ZNF704: variants seen among roughly 807,000 people sequenced by gnomAD.
The protein encoded by ZNF704 is zinc finger protein 704.
In ZNF704, 10 loss-of-function variants were observed where a neutral mutation model predicts 44.7. That is an observed-to-expected ratio of 0.22 (90% CI 0.14 to 0.38). ZNF704 has a LOEUF of 0.38. ZNF704 is among the 10% of genes least tolerant of loss of function. ZNF704 has a pLI of 1.00. For missense variants in ZNF704, 390 were observed against 545.5 expected (o/e 0.71, Z 2.84); for synonymous variants, 211 against 207.6 (o/e 1.02, Z -0.14).
chr8:80,835,511 G>A (rs1473631244), intron 1 of ZNF704, among the ~76,000 whole-genome samples: 1 of 152,208 alleles, frequency 6.6e-6, no homozygotes, highest in Non-Finnish European at 1.5e-5. Context: ...TGCTGCAAGA[G>A]AGAAGGAGCA....
At position 80,632,812 on chromosome 8, in the gene ZNF704, T is replaced by C. The variant is rs1294203791; in HGVS notation, c.*8554A>G. 6.6e-6 allele frequency: 1 copy of C among 152,230 alleles called. No homozygotes were observed. The highest frequency in any genetic ancestry group is 1.5e-5 in the Non-Finnish European group (1 of 68,042). The allele number at this position is 152,230 out of a possible 1,614,324, so 9.4% of individuals were successfully genotyped here. Reference sequence around the variant, plus strand: ...CCTGTTATTGTCATGGCAACGGCGCTATGATTCTTTTCCATCAGAAGAGGA... The same window carrying C: ...CCTGTTATTGTCATGGCAACGGCGCCATGATTCTTTTCCATCAGAAGAGGA... On this transcript the variant is annotated 3_prime_UTR_variant, in exon 9 of 9. Transcript: ENST00000327835.
In ZNF704 at chr8:80,630,867, A is replaced by G. The variant is rs1563495326; in HGVS notation, c.*10499T>C. ...ATTTTAGGGTGTGTTGTAGGAAAAT[A>G]TTGATTCAGGGATTTTTTTTAAAAA... is the stretch of plus-strand genomic sequence containing the variant. On this transcript the variant is annotated 3_prime_UTR_variant, in exon 9 of 9. Coordinates refer to ENST00000327835, the MANE Select transcript of ZNF704 (RefSeq NM_001033723.3). 1 of 152,174 alleles carries G rather than the reference A, an allele frequency of 6.6e-6. No individual in the cohort carries two copies. The highest frequency in any genetic ancestry group is 1.5e-5 in the Non-Finnish European group (1 of 68,038). The allele number at this position is 152,174 out of a possible 1,614,324, so 9.4% of individuals were successfully genotyped here.
At chr8:80,758,991 C>T (rs1254612081) in intron 2 of ZNF704, among the ~76,000 whole-genome samples, 1 of 152,182 alleles carries the variant, frequency 6.6e-6, no homozygotes, top group African/African-American at 2.4e-5. Flanking sequence ...AGCATGTGAT[C>T]CCAGGTTTTT....
At chr8:80,730,680 G>C (rs1806566658) in intron 2 of ZNF704, among the ~76,000 whole-genome samples, 1 of 151,666 alleles carries the variant, frequency 6.6e-6, no homozygotes, top group Admixed American at 6.6e-5. Context: ...CCAATGGTGG[G>C]AGCATCTCCT....
At chr8:80,827,136 T>C (rs1808391777) in intron 1 of ZNF704, among the ~76,000 whole-genome samples, 1 of 152,134 alleles carries the variant, frequency 6.6e-6, no homozygotes, top group Admixed American at 6.5e-5. Context: ...AGCCAAATTG[T>C]CCCTGTTTGC....
At chr8:80,745,882 CT>C (rs1806835858) in intron 2 of ZNF704, among the ~76,000 whole-genome samples, 1 of 152,214 alleles carries the variant, frequency 6.6e-6, no homozygotes, top group South Asian at 2.1e-4. Context: ...CAAGCAGGCC[CT>C]TTGGAAAGAT....
chr8:80,772,400 C>T (rs1322612570), intron 2 of ZNF704, among the ~76,000 whole-genome samples: 1 of 152,156 alleles, frequency 6.6e-6, no homozygotes, highest in Non-Finnish European at 1.5e-5. Context: ...AATTGGCTCA[C>T]GGTTCTGCAG....
chr8:80,658,961 A>C (rs1348424758), intron 7 of ZNF704: 1 of 152,514 alleles, frequency 6.6e-6, no homozygotes, highest in African/African-American at 2.4e-5. Flanking sequence ...GTTCTGTGAT[A>C]AACTATAAAA....
chr8:80,771,784 C>T (rs368675888), intron 2 of ZNF704, among the ~76,000 whole-genome samples: 1 of 152,280 alleles, frequency 6.6e-6, no homozygotes, highest in East Asian at 1.9e-4. Context: ...CATTTCCAAT[C>T]ATATAGGAAA....
chr8:80,813,471 T>C (rs1436976621), intron 2 of ZNF704, among the ~76,000 whole-genome samples: 1 of 152,124 alleles, frequency 6.6e-6, no homozygotes, highest in Non-Finnish European at 1.5e-5. Context: ...ATTTTTAACA[T>C]CAACCAAAAG....
intron 7 of ZNF704, among the ~76,000 whole-genome samples, chr8:80,656,161 T>C (rs1057082504): frequency 2.0e-5 from 3 of 152,166 alleles, no homozygotes; most frequent in Non-Finnish European, 4.4e-5. Flanking sequence ...TGCCCTGGCA[T>C]GTGCTTGTGC....
intron 1 of ZNF704, among the ~76,000 whole-genome samples, chr8:80,869,656 C>T (rs953445772): frequency 1.3e-5 from 2 of 152,154 alleles, no homozygotes; most frequent in Non-Finnish European, 2.9e-5. Flanking sequence ...CTAAATGACC[C>T]CTCAATGATC....
At chr8:80,706,989 T>A (rs1417003995) in intron 2 of ZNF704, among the ~76,000 whole-genome samples, 2 of 152,192 alleles carry the variant, frequency 1.3e-5, no homozygotes, top group Non-Finnish European at 2.9e-5. Context: ...GTCATCTTTT[T>A]AAAAAAACTG....
intron 7 of ZNF704, among the ~76,000 whole-genome samples, chr8:80,653,745 C>T (rs1252494401): frequency 2.0e-5 from 3 of 152,122 alleles, no homozygotes; most frequent in East Asian, 1.9e-4. Flanking sequence ...GAATCAATAT[C>T]GTGAAAATGG....
chr8:80,858,016 C>A (rs529804546), intron 1 of ZNF704, among the ~76,000 whole-genome samples: 19 of 152,210 alleles, frequency 1.2e-4, no homozygotes, highest in African/African-American at 4.3e-4. Flanking sequence ...TTTCCCATTT[C>A]ATCCAAGTTT....
At chr8:80,694,221 T>A (rs1818688911) in intron 2 of ZNF704, 1 of 152,202 alleles carries the variant, frequency 6.6e-6, no homozygotes, top group African/African-American at 2.4e-5. Context: ...ATGGGAATAG[T>A]TACCATGTTG....
chr8:80,651,548 CA>C, intron 7 of ZNF704, among the ~76,000 whole-genome samples: 1 of 152,208 alleles, frequency 6.6e-6, no homozygotes, highest in East Asian at 1.9e-4. Flanking sequence ...TTTAAACCAA[CA>C]AAGATCAAAA....
chr8:80,855,459 T>G (rs541171771), intron 1 of ZNF704, among the ~76,000 whole-genome samples: 3 of 152,190 alleles, frequency 2.0e-5, no homozygotes, highest in African/African-American at 4.8e-5. Flanking sequence ...TAAAAAAGAA[T>G]GAGATCCTGT....
At chr8:80,643,695 T>TTAC (rs1233218842) in intron 7 of ZNF704, among the ~76,000 whole-genome samples, 1 of 152,168 alleles carries the variant, frequency 6.6e-6, no homozygotes, top group Non-Finnish European at 1.5e-5. Flanking sequence ...TATCTATGCA[T>TTAC]TTCAAGTGGC....
Sources: allele counts gnomAD v4.1 joint callset (sites outside exome capture counted in the v4.1 genomes callset), GRCh38; gene constraint gnomAD v4.1.1; transcripts MANE v1.5; gene names NCBI Gene and HGNC (gene_info 2026-07-23, HGNC 2026-07-21).